Variants in MAP4K1 observed in about 807,000 individuals in gnomAD.
The protein encoded by MAP4K1 is mitogen-activated protein kinase kinase kinase kinase 1.
Under a neutral mutation model 122.8 loss-of-function variants are expected in MAP4K1, and 35 were observed. That is an observed-to-expected ratio of 0.29 (90% CI 0.22 to 0.38). The LOEUF is 0.38. Among genes scored for constraint, MAP4K1 ranks in the 10% least tolerant of loss-of-function variants. The pLI is 1.00. For missense variants in MAP4K1, 791 were observed against 1,072.6 expected (o/e 0.74, Z 3.67); for synonymous variants, 412 against 421.3 (o/e 0.98, Z 0.27).
intron 19 of MAP4K1, 51 bp from the exon 20 acceptor site, chr19:38,601,576 G>A (rs1975067049): frequency 7.3e-7 from 1 of 1,378,840 alleles, no homozygotes; most frequent in East Asian, 2.4e-5. Context: ...AGAGAGCAGG[G>A]AACAGGAAGG....
In MAP4K1 at chr19:38,601,544, G is replaced by A. The variant is rs772957453; in HGVS notation, c.1447-19C>T. On this transcript the variant is annotated intron_variant, in intron 19 of 30. Coordinates refer to ENST00000396857, the MANE Select transcript of MAP4K1 (RefSeq NM_001042600.3). ...CACATCCCTGGGCAGGTCGCCGCGG[G>A]GCCAGGCAGCAGATCCGGCAAAGAG... is the stretch of plus-strand genomic sequence containing the variant. 1.2e-5 allele frequency: 19 copies of A among 1,585,246 alleles called. No homozygotes were observed. The South Asian group carries it at 2.1e-4, about 17-fold the overall frequency.
At chr19:38,589,454 T>C (rs1487174824) in intron 30 of MAP4K1, among the ~76,000 whole-genome samples, 1 of 151,140 alleles carries the variant, frequency 6.6e-6, no homozygotes, top group Non-Finnish European at 1.5e-5. Flanking sequence ...TCACTCTTGT[T>C]GCCCAGGCTG....
At position 38,610,043 on chromosome 19, in the gene MAP4K1, T is replaced by A. The variant is rs549887285; in HGVS notation, c.811-18A>T. ...AGTTGATGCTGGCGGAGGGAAGAGG[T>A]GTCCGTATCCAGAGGGATGGTGTGG... is the stretch of plus-strand genomic sequence containing the variant. On this transcript the variant is annotated intron_variant, in intron 11 of 30. Coordinates refer to ENST00000396857, the MANE Select transcript of MAP4K1 (RefSeq NM_001042600.3). 2 of 1,562,274 alleles carry A rather than the reference T, an allele frequency of 1.3e-6. No individual in the cohort carries two copies. The highest frequency in any genetic ancestry group is 2.2e-5 in the South Asian group (2 of 89,976).
In MAP4K1 at chr19:38,612,676, G is replaced by A; in HGVS notation, c.600C>T (p.Ser200=). 1 of 1,613,874 alleles carries A rather than the reference G, an allele frequency of 6.2e-7. No individual in the cohort carries two copies. Among genetic ancestry groups the A allele is most frequent in the Non-Finnish European group, 8.5e-7 (1 of 1,179,954 alleles). ...CCAGTTCGATGGCCGTGATGCCCAG[G>A]GACCAGATGTCACACAGCTCATTGT... ...GGYNELCDIW[S]LGITAIELAE... The change falls in exon 9 of 31, where the codon TCC becomes TCT. Residue 200 remains serine, a synonymous_variant. Coordinates refer to ENST00000396857, the MANE Select transcript of MAP4K1 (RefSeq NM_001042600.3).
intron 11 of MAP4K1, 86 bp from the exon 12 acceptor site, chr19:38,610,111 T>C (rs1975452760): frequency 2.1e-6 from 2 of 942,164 alleles, no homozygotes; most frequent in Non-Finnish European, 1.7e-6. Flanking sequence ...GTACAGGGCC[T>C]TGGGGACTGG....
At position 38,597,392 on chromosome 19, in the gene MAP4K1, A is replaced by G; in HGVS notation, c.1779-8T>C. ...GTGGAAACCATGTTCTTCCTGGAGA[A>G]TAGGTAGGTGTGAAGGGGGGTAGGA... On this transcript the variant is annotated splice_region_variant and splice_polypyrimidine_tract_variant and intron_variant, in intron 23 of 30. Coordinates refer to ENST00000396857, the MANE Select transcript of MAP4K1 (RefSeq NM_001042600.3). This position sits in a 1 kb window ranked among gnomAD's most constrained non-coding sequence, Gnocchi z 4.6. The G allele has an allele frequency of 6.2e-7, 1 of 1,613,968 alleles. No individual in the cohort carries two copies. Among genetic ancestry groups the G allele is most frequent in the Non-Finnish European group, 8.5e-7 (1 of 1,179,994 alleles).
intron 19 of MAP4K1, among the ~76,000 whole-genome samples, chr19:38,604,429 A>G (rs1288306639): frequency 6.6e-6 from 1 of 152,044 alleles, no homozygotes; most frequent in Non-Finnish European, 1.5e-5. Context: ...GACTCAAGCA[A>G]TCCTCCCACC....
intron 11 of MAP4K1, among the ~76,000 whole-genome samples, chr19:38,610,322 C>T (rs1975457669): frequency 6.6e-6 from 1 of 151,402 alleles, no homozygotes; most frequent in Admixed American, 6.6e-5. Context: ...TCTCGTGCCT[C>T]AGCCTCCCGA....
chr19:38,607,805 T>C, intron 16 of MAP4K1, 59 bp downstream of exon 16: 6 of 1,564,060 alleles, frequency 3.8e-6, no homozygotes, highest in Non-Finnish European at 5.2e-6. Context: ...CATCAGGGGA[T>C]TGTAGGAAGG....
At chr19:38,613,786 G>A in intron 8 of MAP4K1, 94 bp downstream of exon 8, 1 of 945,048 alleles carries the variant, frequency 1.1e-6, no homozygotes, top group Non-Finnish European at 1.6e-6. Context: ...ACGAGGCAGG[G>A]GAACGGAGCC....
At chr19:38,600,838 C>T (rs1356381874) in intron 20 of MAP4K1, among the ~76,000 whole-genome samples, 3 of 126,634 alleles carry the variant, frequency 2.4e-5, no homozygotes. Flanking sequence ...CTGAGTCTTG[C>T]TCTGTTGCCC....
At chr19:38,605,342 T>TA in intron 19 of MAP4K1, 67 bp downstream of exon 19, 3 of 651,962 alleles carry the variant, frequency 4.6e-6, no homozygotes, top group Non-Finnish European at 2.8e-6. Context: ...TGCCACCCCC[T>TA]CCCCACCCCA....
rs113579186 is a variant in MAP4K1 at position 38,603,925 on chromosome 19, A to C, written c.1446+1484T>G. Among the ~76,000 whole-genome samples, 1,369 of 151,634 alleles carry C rather than the reference A, an allele frequency of 9.0e-3. 17 individuals carry two copies. Among genetic ancestry groups the C allele is most frequent in the Non-Finnish European group, 0.015 (1,036 of 67,880 alleles). ...CTTAGACTGGGGAGGCAGAGGTTGC[A>C]GTGAGCCAAGATAGCACCACTGCAC... On this transcript the variant is annotated intron_variant, in intron 19 of 30. Coordinates refer to ENST00000396857, the MANE Select transcript of MAP4K1 (RefSeq NM_001042600.3).
chr19:38,608,085 G>T (rs776819038), intron 14 of MAP4K1, 27 bp downstream of exon 14: 1 of 1,555,334 alleles, frequency 6.4e-7, no homozygotes, highest in Non-Finnish European at 8.7e-7. Context: ...AGGCGGTGTG[G>T]TGGGGAGTGG....
chr19:38,611,502 G>T (rs1325565008), intron 9 of MAP4K1, among the ~76,000 whole-genome samples, 197 bp from the exon 10 acceptor site: 2 of 152,224 alleles, frequency 1.3e-5, no homozygotes, highest in African/African-American at 4.8e-5. Context: ...CTATGGCAAG[G>T]CCAGGTGTGG....
At position 38,609,638 on chromosome 19, in the gene MAP4K1, G is replaced by T; in HGVS notation, c.964C>A (p.His322Asn). The T allele has an allele frequency of 6.2e-7, 1 of 1,613,814 alleles. No homozygotes were observed. ...PAIPRRIRST[H>N]RSSSLGIPDA... is the part of the protein sequence containing the mutation. ...GGGATCCCCAGAGAGCTGGAGCGGT[G>T]GGTGGATCTGATCCGCCGAGGGATA... The change falls in exon 13 of 31, where the codon CAC becomes AAC. Residue 322 changes from histidine (H) to asparagine (N), a missense_variant. Coordinates refer to ENST00000396857, the MANE Select transcript of MAP4K1 (RefSeq NM_001042600.3).
At chr19:38,600,727 G>A (rs1489588190) in intron 20 of MAP4K1, among the ~76,000 whole-genome samples, 1 of 147,998 alleles carries the variant, frequency 6.8e-6, no homozygotes, top group East Asian at 2.0e-4. Flanking sequence ...TAACCTTTTT[G>A]TTATATTCTG....
At chr19:38,595,392 A>G (rs1974842308) in intron 29 of MAP4K1, 93 bp downstream of exon 29, 1 of 1,283,534 alleles carries the variant, frequency 7.8e-7, no homozygotes, top group Non-Finnish European at 1.1e-6. Flanking sequence ...CCAGGACTTC[A>G]CACTCTGACT....
rs183757520 is a variant in MAP4K1 at position 38,595,305 on chromosome 19, T to A, written c.2340+180A>T. On this transcript the variant is annotated intron_variant, in intron 29 of 30. Transcript: ENST00000396857. ...ACTCCGTCTTAAATAAATAAATAAA[T>A]AAAAATAAAATAAAAAATAAATCCT... Among the ~76,000 whole-genome samples, 188 of 151,942 alleles carry A rather than the reference T, an allele frequency of 1.2e-3. 2 individuals are homozygous for A. The highest frequency in any genetic ancestry group is 9.8e-3 in the South Asian group (47 of 4,800).
Sources: gnomAD v4.1 joint callset for allele counts (sites outside exome capture counted in the v4.1 genomes callset) on GRCh38, gnomAD v4.1.1 for gene constraint, Gnocchi (gnomAD v3.1) non-coding constraint, MANE v1.5 for transcripts, NCBI Gene and HGNC (gene_info 2026-07-23, HGNC 2026-07-21) for gene names.